SH3PXD2A: variants seen among roughly 807,000 people sequenced by gnomAD.
SH3PXD2A encodes SH3 and PX domain-containing protein 2A.
SH3PXD2A carries 32 observed loss-of-function variants against 115.2 expected under a neutral mutation model. The observed-to-expected ratio is 0.28, with a 90% CI of 0.21 to 0.37. The LOEUF is 0.37. SH3PXD2A is among the 10% of genes least tolerant of loss of function. The pLI is 1.00. For synonymous variants in SH3PXD2A, 610 were observed against 629.1 expected (o/e 0.97, Z 0.45); for missense variants, 1,328 against 1,498.7 (o/e 0.89, Z 1.88).
chr10:103,829,756 A>C (rs1015540643), intron 1 of SH3PXD2A, among the ~76,000 whole-genome samples: 8 of 152,272 alleles, frequency 5.3e-5, no homozygotes, highest in African/African-American at 1.9e-4. Context: ...AAGCAAGGAC[A>C]AAAAAGGTAA....
At chr10:103,714,934 A>G (rs564666034) in intron 5 of SH3PXD2A, among the ~76,000 whole-genome samples, 2 of 152,270 alleles carry the variant, frequency 1.3e-5, no homozygotes, top group South Asian at 4.1e-4. Flanking sequence ...GGGACTTGGG[A>G]TGCCCTGGAG....
At chr10:103,690,890 A>G (rs1360440395) in intron 6 of SH3PXD2A, among the ~76,000 whole-genome samples, 1 of 152,118 alleles carries the variant, frequency 6.6e-6, no homozygotes. Context: ...GGCATTTTCA[A>G]CCATGACACT....
chr10:103,767,708 C>T (rs2038769320), intron 2 of SH3PXD2A, among the ~76,000 whole-genome samples: 1 of 149,138 alleles, frequency 6.7e-6, no homozygotes, highest in African/African-American at 2.6e-5. Context: ...TGCCGGAAGA[C>T]CATTCCTCCA....
chr10:103,811,117 G>A (rs533582078), intron 1 of SH3PXD2A, among the ~76,000 whole-genome samples: 2 of 152,192 alleles, frequency 1.3e-5, no homozygotes, highest in African/African-American at 4.8e-5. Flanking sequence ...AACGTGCTGC[G>A]GTTGGCCCCT....
intron 7 of SH3PXD2A, chr10:103,661,768 G>T (rs2037308297): frequency 7.1e-6 from 7 of 985,154 alleles, no homozygotes; most frequent in African/African-American, 1.7e-5. Context: ...GGGTTTACTC[G>T]CAACCCTTAA....
At chr10:103,788,326 C>T (rs34594271) in intron 2 of SH3PXD2A, among the ~76,000 whole-genome samples, 5,799 of 152,168 alleles carry the variant, frequency 0.038, 179 homozygotes, top group Non-Finnish European at 0.057. Flanking sequence ...CAGGCCAAGG[C>T]GCAAACCCAA....
rs116197050 is a variant in SH3PXD2A at position 103,649,973 on chromosome 10, C to T, written c.604+11010G>A. On this transcript the variant is annotated intron_variant, in intron 8 of 14. Coordinates refer to ENST00000369774, the MANE Select transcript of SH3PXD2A (RefSeq NM_001394015.1). ...ACCATGCATCCTTCCCAGCCTGACA[C>T]TGGCCCCCAGAAGCCTTGCTAGATG... Among the ~76,000 whole-genome samples the T allele has an allele frequency of 5.8e-3, 890 of 152,376 alleles. 7 individuals carry two copies. Among genetic ancestry groups the T allele is most frequent in the African/African-American group, 0.02 (829 of 41,584 alleles).
At chr10:103,839,808 C>T (rs1414856627) in intron 1 of SH3PXD2A, among the ~76,000 whole-genome samples, 2 of 152,238 alleles carry the variant, frequency 1.3e-5, no homozygotes, top group Non-Finnish European at 2.9e-5. Flanking sequence ...AAGTCACCAA[C>T]TAAGCAGCCG....
chr10:103,805,742 G>A (rs150771016), intron 1 of SH3PXD2A, among the ~76,000 whole-genome samples: 86 of 152,002 alleles, frequency 5.7e-4, no homozygotes, highest in African/African-American at 2.1e-3. Context: ...AAAATAAAAG[G>A]GCAGGGCGCA....
chr10:103,786,934 G>T (rs2038986825), intron 2 of SH3PXD2A, among the ~76,000 whole-genome samples: 1 of 152,222 alleles, frequency 6.6e-6, no homozygotes, highest in African/African-American at 2.4e-5. Flanking sequence ...GAGCTGAGGA[G>T]AAAGTGCAGA....
intron 4 of SH3PXD2A, among the ~76,000 whole-genome samples, chr10:103,734,157 C>T (rs373832154): frequency 4.6e-5 from 7 of 152,140 alleles, no homozygotes; most frequent in African/African-American, 1.7e-4. Context: ...AAGTGGGCAC[C>T]GGGATTCGAC....
intron 5 of SH3PXD2A, among the ~76,000 whole-genome samples, chr10:103,722,686 A>T (rs920241618): frequency 4.0e-5 from 6 of 151,056 alleles, no homozygotes; most frequent in Non-Finnish European, 7.4e-5. Flanking sequence ...GCACTGAGCC[A>T]CTAGGGACCA....
chr10:103,803,838 A>T (rs1000567788), intron 1 of SH3PXD2A, among the ~76,000 whole-genome samples: 2 of 152,218 alleles, frequency 1.3e-5, no homozygotes, highest in African/African-American at 4.8e-5. Flanking sequence ...CCCAAGGTGG[A>T]TGGGGTACAG....
At chr10:103,830,480 C>T (rs1388598768) in intron 1 of SH3PXD2A, among the ~76,000 whole-genome samples, 1 of 152,180 alleles carries the variant, frequency 6.6e-6, no homozygotes, top group African/African-American at 2.4e-5. Context: ...TTTTCAGTAG[C>T]AATCCCACTC....
At chr10:103,764,017 A>T (rs1487502015) in intron 3 of SH3PXD2A, among the ~76,000 whole-genome samples, 1 of 152,164 alleles carries the variant, frequency 6.6e-6, no homozygotes, top group Non-Finnish European at 1.5e-5. Context: ...TACCCTCAAA[A>T]GCCACTAGCA....
intron 2 of SH3PXD2A, among the ~76,000 whole-genome samples, chr10:103,783,696 T>C (rs907302212): frequency 3.3e-5 from 5 of 152,238 alleles, no homozygotes; most frequent in African/African-American, 7.2e-5. Flanking sequence ...ATTTTGCCCA[T>C]AGACGTCTCC....
intron 4 of SH3PXD2A, among the ~76,000 whole-genome samples, chr10:103,730,355 A>C (rs1251726271): frequency 7.5e-5 from 11 of 147,018 alleles, no homozygotes; most frequent in Non-Finnish European, 1.6e-4. Flanking sequence ...CGCTGGGTGG[A>C]GTTGGAGGTG....
rs1394439033 is a variant in SH3PXD2A, at chr10:103,691,961, C to T, written c.427+1067G>A. Among the ~76,000 whole-genome samples the T allele has an allele frequency of 2.0e-5, 3 of 152,190 alleles. 1 individual carries two copies. The highest frequency in any genetic ancestry group is 1.3e-4 in the Admixed American group (2 of 15,290). Reference sequence around the variant, plus strand: ...ATACAATTACATCTACCCCACTCTACATCCATCCACCACACAGGGGCACTC... The same window carrying T: ...ATACAATTACATCTACCCCACTCTATATCCATCCACCACACAGGGGCACTC... On this transcript the variant is annotated intron_variant, in intron 6 of 14. Coordinates refer to ENST00000369774, the MANE Select transcript of SH3PXD2A (RefSeq NM_001394015.1).
intron 5 of SH3PXD2A, among the ~76,000 whole-genome samples, chr10:103,704,861 G>A (rs1035718931): frequency 6.6e-6 from 1 of 152,206 alleles, no homozygotes; most frequent in African/African-American, 2.4e-5. Context: ...TGGGTTCCAG[G>A]CCTGGCTGTC....
Sources: gnomAD v4.1 joint callset for allele counts (sites outside exome capture counted in the v4.1 genomes callset) on GRCh38, gnomAD v4.1.1 for gene constraint, MANE v1.5 for transcripts, NCBI Gene and HGNC (gene_info 2026-07-23, HGNC 2026-07-21) for gene names.